Variants in RIMS2 observed in about 807,000 individuals in gnomAD.
The protein encoded by RIMS2 is regulating synaptic membrane exocytosis 2.
Under a neutral mutation model 174.4 loss-of-function variants are expected in RIMS2, and 59 were observed. That is an observed-to-expected ratio of 0.34 (90% CI 0.27 to 0.42). RIMS2 has a LOEUF of 0.42. Ranked by LOEUF, RIMS2 falls within the 10% of genes least tolerant of loss-of-function variation. RIMS2 has a pLI of 1.00. For missense variants in RIMS2, 1,620 were observed against 1,666.3 expected (o/e 0.97, Z 0.48); for synonymous variants, 606 against 572.5 (o/e 1.06, Z -0.84).
At chr8:104,069,168 G>A (rs1046429420) in intron 19 of RIMS2, among the ~76,000 whole-genome samples, 1 of 152,138 alleles carries the variant, frequency 6.6e-6, no homozygotes, top group African/African-American at 2.4e-5. Flanking sequence ...TTATAAAATA[G>A]GCTTTCAGTT....
At chr8:103,756,382 TTG>T (rs2098005707) in intron 2 of RIMS2, among the ~76,000 whole-genome samples, 1 of 131,102 alleles carries the variant, frequency 7.6e-6, no homozygotes, top group African/African-American at 2.9e-5. Flanking sequence ...GTTGTTGTTG[TTG>T]TTTTTGTTTT....
chr8:103,739,493 C>T (rs1267305507), intron 2 of RIMS2, among the ~76,000 whole-genome samples: 1 of 152,082 alleles, frequency 6.6e-6, no homozygotes, highest in Non-Finnish European at 1.5e-5. Flanking sequence ...CAAACCTGCA[C>T]GTTGTGCACA....
At chr8:103,534,948 T>C (rs146079293) in intron 1 of RIMS2, among the ~76,000 whole-genome samples, 26 of 152,342 alleles carry the variant, frequency 1.7e-4, no homozygotes, top group African/African-American at 6.3e-4. Context: ...AGTTGAGACT[T>C]ATTTGAAATC....
chr8:103,954,708 CA>C (rs1480472730), intron 14 of RIMS2, among the ~76,000 whole-genome samples: 1 of 150,078 alleles, frequency 6.7e-6, no homozygotes, highest in Non-Finnish European at 1.5e-5. Context: ...GAAGCAAGAG[CA>C]AACAAATCCA....
At chr8:103,966,829 A>G (rs2154546687) in intron 15 of RIMS2, among the ~76,000 whole-genome samples, 1 of 152,132 alleles carries the variant, frequency 6.6e-6, no homozygotes, top group East Asian at 1.9e-4. Flanking sequence ...TTATTTATTT[A>G]AAGATATATT....
intron 2 of RIMS2, among the ~76,000 whole-genome samples, chr8:103,757,388 A>T (rs2098035850): frequency 6.6e-6 from 1 of 152,094 alleles, no homozygotes. Context: ...TGATGAATTT[A>T]ACTATTCTTG....
intron 1 of RIMS2, among the ~76,000 whole-genome samples, chr8:103,553,539 A>G (rs1485885844): frequency 6.6e-6 from 1 of 152,144 alleles, no homozygotes; most frequent in Non-Finnish European, 1.5e-5. Context: ...TGGCACATAT[A>G]TACATATGTA....
At chr8:104,134,032 T>C (rs1040998135) in intron 19 of RIMS2, among the ~76,000 whole-genome samples, 20 of 152,148 alleles carry the variant, frequency 1.3e-4, no homozygotes, top group African/African-American at 4.3e-4. Flanking sequence ...GGAGATTATA[T>C]ATATTTACAA....
chr8:103,817,093 A>G (rs2098722526), intron 3 of RIMS2, among the ~76,000 whole-genome samples: 3 of 152,198 alleles, frequency 2.0e-5, no homozygotes, highest in Non-Finnish European at 4.4e-5. Flanking sequence ...ATGTTTGTTT[A>G]CACTTGTAGA....
intron 12 of RIMS2, among the ~76,000 whole-genome samples, chr8:103,935,294 G>A (rs895648077): frequency 3.9e-5 from 6 of 152,058 alleles, no homozygotes; most frequent in Non-Finnish European, 7.4e-5. Context: ...CAATGCCTTC[G>A]TGGTTAATAA....
At chr8:103,838,403 T>C (rs1028971561) in intron 3 of RIMS2, among the ~76,000 whole-genome samples, 3 of 152,188 alleles carry the variant, frequency 2.0e-5, no homozygotes, top group African/African-American at 7.2e-5. Flanking sequence ...TTTCTTGAGG[T>C]ACGTGACCCT....
intron 1 of RIMS2, among the ~76,000 whole-genome samples, chr8:103,546,724 A>C (rs776708014): frequency 1.6e-4 from 25 of 152,172 alleles, no homozygotes; most frequent in Admixed American, 6.5e-4. Context: ...AATGCTAGGA[A>C]AACCACTCAA....
At chr8:103,876,864 T>TTATCTATA (rs2099140519) in intron 3 of RIMS2, among the ~76,000 whole-genome samples, 1 of 68,104 alleles carries the variant, frequency 1.5e-5, no homozygotes, top group Non-Finnish European at 3.1e-5. Context: ...ACACACTATT[T>TTATCTATA]TATATATATA....
intron 3 of RIMS2, among the ~76,000 whole-genome samples, chr8:103,805,269 C>G (rs1444756849): frequency 6.6e-6 from 1 of 152,080 alleles, no homozygotes; most frequent in East Asian, 1.9e-4. Context: ...CTCAAGATAG[C>G]TCAATATATG....
At chr8:104,074,538 A>G (rs1287739885) in intron 19 of RIMS2, among the ~76,000 whole-genome samples, 3 of 152,116 alleles carry the variant, frequency 2.0e-5, no homozygotes, top group African/African-American at 7.2e-5. Context: ...AATGACTAAG[A>G]TAAGGAAAAT....
chr8:103,734,945 G>A (rs1225919744), intron 2 of RIMS2, among the ~76,000 whole-genome samples: 1 of 149,790 alleles, frequency 6.7e-6, no homozygotes, highest in African/African-American at 2.5e-5. Flanking sequence ...TTTCTGTACT[G>A]TCACTAGTCT....
intron 19 of RIMS2, among the ~76,000 whole-genome samples, chr8:104,201,188 G>A (rs1035345521): frequency 4.6e-5 from 7 of 151,976 alleles, no homozygotes; most frequent in African/African-American, 1.7e-4. Flanking sequence ...GTGTCTATGT[G>A]TACTCAAGGC....
At chr8:103,681,497 A>T (rs2096879959) in intron 1 of RIMS2, among the ~76,000 whole-genome samples, 1 of 152,094 alleles carries the variant, frequency 6.6e-6, no homozygotes, top group South Asian at 2.1e-4. Context: ...GGGTATGATC[A>T]ATTATATTAT....
chr8:103,921,885 T>C lies in RIMS2; in HGVS notation c.2196+101T>C, dbSNP rs534270764. On this transcript the variant is annotated intron_variant, in intron 10 of 23. Transcript: ENST00000504942. The stretch of plus-strand genomic sequence containing the variant: ...AAACCAAGTTATTCCTAGAACATAA[T>C]TGTGCTTTTAACCTCCCACTTTCTC... The C allele has an allele frequency of 9.6e-6, 5 of 523,000 alleles. No homozygotes were observed. The South Asian group carries it at 1.1e-4, about 12-fold the overall frequency. 32.4% of individuals were successfully genotyped at this position (523,000 alleles called of 1,614,324 possible).
Sources: gnomAD v4.1 joint callset for allele counts (sites outside exome capture counted in the v4.1 genomes callset) on GRCh38, gnomAD v4.1.1 for gene constraint, MANE v1.5 for transcripts, NCBI Gene and HGNC (gene_info 2026-07-23, HGNC 2026-07-21) for gene names.